The following EDIL3 variants were observed in gnomAD, a reference collection of about 807,000 sequenced individuals.
EDIL3 encodes EGF-like repeat and discoidin I-like domain-containing protein 3.
A neutral mutation model predicts 67.4 loss-of-function variants in EDIL3; 37 were observed. The ratio of observed to expected loss-of-function variants is 0.55; its 90% CI spans 0.42 to 0.72. The LOEUF is 0.72. EDIL3 is among the 30% of genes least tolerant of loss of function. The pLI, the probability that EDIL3 is intolerant of heterozygous loss-of-function variation, is 0.00. For synonymous variants in EDIL3, 195 were observed against 196.3 expected (o/e 0.99, Z 0.05); for missense variants, 527 against 586.3 (o/e 0.90, Z 1.04).
At chr5:84,359,283 G>A (rs1261764139) in intron 1 of EDIL3, among the ~76,000 whole-genome samples, 1 of 152,128 alleles carries the variant, frequency 6.6e-6, no homozygotes, top group African/African-American at 2.4e-5. Flanking sequence ...TTGGATAAAT[G>A]TCATCTCTAG....
At chr5:84,343,497 G>A (rs1207272554) in intron 1 of EDIL3, among the ~76,000 whole-genome samples, 2 of 151,860 alleles carry the variant, frequency 1.3e-5, no homozygotes, top group Admixed American at 1.3e-4. Context: ...TTGATCTATT[G>A]TAAGACAGGC....
intron 9 of EDIL3, among the ~76,000 whole-genome samples, chr5:84,030,870 TA>T (rs1269235704): frequency 8.5e-5 from 13 of 152,308 alleles, no homozygotes; most frequent in African/African-American, 2.9e-4. Context: ...GTCATTGTAC[TA>T]GTGTGCTAGG....
chr5:83,956,814 A>G (rs994867848), intron 10 of EDIL3, among the ~76,000 whole-genome samples: 1 of 151,756 alleles, frequency 6.6e-6, no homozygotes, highest in African/African-American at 2.4e-5. Context: ...GCATGCCTGT[A>G]TTAAAACATC....
At chr5:83,970,781 C>G (rs1744778197) in intron 9 of EDIL3, among the ~76,000 whole-genome samples, 1 of 150,072 alleles carries the variant, frequency 6.7e-6, no homozygotes, top group African/African-American at 2.4e-5. Context: ...TTTGCACTTT[C>G]TTCTAGAAAT....
At chr5:84,142,180 G>A (rs1748212013) in intron 4 of EDIL3, among the ~76,000 whole-genome samples, 1 of 151,700 alleles carries the variant, frequency 6.6e-6, no homozygotes, top group African/African-American at 2.4e-5. Context: ...TTTTAAAATG[G>A]AAATTATATT....
intron 1 of EDIL3, among the ~76,000 whole-genome samples, chr5:84,275,699 A>G (rs1385621091): frequency 6.6e-6 from 1 of 152,202 alleles, no homozygotes. Flanking sequence ...GAATACTTGC[A>G]GCTCAAATAA....
At chr5:84,142,301 C>T (rs897620073) in intron 4 of EDIL3, among the ~76,000 whole-genome samples, 1 of 152,004 alleles carries the variant, frequency 6.6e-6, no homozygotes, top group South Asian at 2.1e-4. Flanking sequence ...ATTCAATAAT[C>T]TCATTCTTCA....
intron 3 of EDIL3, among the ~76,000 whole-genome samples, chr5:84,214,983 A>G (rs164062): frequency 0.77 from 116,783 of 152,156 alleles, 45,349 homozygotes; most frequent in African/African-American, 0.89. Flanking sequence ...GCCTCCCAAA[A>G]TGCCAGGATT....
At chr5:84,064,605 T>C in intron 8 of EDIL3, 95 bp downstream of exon 8, 2 of 1,426,784 alleles carry the variant, frequency 1.4e-6, no homozygotes, top group Non-Finnish European at 1.9e-6. Context: ...AAAATTTCTA[T>C]GGTTGTTGAA....
intron 3 of EDIL3, among the ~76,000 whole-genome samples, chr5:84,204,039 T>C (rs903679421): frequency 6.6e-6 from 1 of 152,194 alleles, no homozygotes; most frequent in African/African-American, 2.4e-5. Flanking sequence ...TGTTTTGTAC[T>C]TGTATTACTT....
chr5:84,002,687 G>A (rs1433184802), intron 9 of EDIL3, among the ~76,000 whole-genome samples: 1 of 152,182 alleles, frequency 6.6e-6, no homozygotes, highest in Non-Finnish European at 1.5e-5. Context: ...ATTTATGATA[G>A]CTACAAAGAA....
At chr5:84,127,453 T>G (rs546559843) in intron 5 of EDIL3, among the ~76,000 whole-genome samples, 1 of 152,244 alleles carries the variant, frequency 6.6e-6, no homozygotes, top group South Asian at 2.1e-4. Flanking sequence ...CTTTGGGGTT[T>G]AAGATATGCT....
At chr5:84,153,571 T>C (rs112320947) in intron 4 of EDIL3, among the ~76,000 whole-genome samples, 24 of 152,020 alleles carry the variant, frequency 1.6e-4, no homozygotes, top group African/African-American at 5.5e-4. Flanking sequence ...CAAGCAATTC[T>C]CCTGTCTCAG....
At chr5:84,142,662 C>T (rs1748219973) in intron 4 of EDIL3, among the ~76,000 whole-genome samples, 1 of 152,012 alleles carries the variant, frequency 6.6e-6, no homozygotes. Flanking sequence ...TATCTAACCT[C>T]CTCCTAGAGA....
chr5:84,360,279 C>T (rs749246179), intron 1 of EDIL3, among the ~76,000 whole-genome samples: 3 of 152,116 alleles, frequency 2.0e-5, no homozygotes, highest in South Asian at 2.1e-4. Flanking sequence ...GGTATTGCAG[C>T]GGTCACTGAG....
At chr5:84,067,085 G>C (rs1580309386) in intron 6 of EDIL3, among the ~76,000 whole-genome samples, 1 of 152,094 alleles carries the variant, frequency 6.6e-6, no homozygotes, top group Non-Finnish European at 1.5e-5. Flanking sequence ...ATTTTAAAAA[G>C]TAAAGACAAA....
chr5:84,043,039 C>A (rs1746160104), intron 9 of EDIL3, among the ~76,000 whole-genome samples: 1 of 152,096 alleles, frequency 6.6e-6, no homozygotes, highest in Non-Finnish European at 1.5e-5. Context: ...CTAAAGTTAA[C>A]ATAAAGACAA....
chr5:84,358,641 T>G (rs1747536694), intron 1 of EDIL3, among the ~76,000 whole-genome samples: 1 of 134,176 alleles, frequency 7.5e-6, no homozygotes, highest in Admixed American at 7.6e-5. Flanking sequence ...TCTTGCTCTA[T>G]CACCCAGGCT....
intron 9 of EDIL3, among the ~76,000 whole-genome samples, chr5:84,053,932 G>A (rs1472028278): frequency 1.3e-5 from 2 of 152,128 alleles, no homozygotes; most frequent in African/African-American, 2.4e-5. Flanking sequence ...AATAGAAAAA[G>A]AGGGAATCCT....
Sources: gnomAD v4.1 joint callset for allele counts (sites outside exome capture counted in the v4.1 genomes callset) on GRCh38, gnomAD v4.1.1 for gene constraint, MANE v1.5 for transcripts, NCBI Gene and HGNC (gene_info 2026-07-23, HGNC 2026-07-21) for gene names.